The following CPQ variants were observed in gnomAD, a reference collection of about 807,000 sequenced individuals.
CPQ encodes Ser-Met dipeptidase.
In CPQ, 37 loss-of-function variants were observed where a neutral mutation model predicts 45.7. The observed-to-expected ratio is 0.81, with a 90% CI of 0.62 to 1.07. CPQ has a LOEUF of 1.07. CPQ is among the 50% of genes least tolerant of loss of function. The pLI is 0.00. For synonymous variants in CPQ, 186 were observed against 205.8 expected (o/e 0.90, Z 0.82); for missense variants, 537 against 572.9 (o/e 0.94, Z 0.64).
rs111569722 is a variant in CPQ, at chr8:96,809,682, T to A, written c.433+24352T>A. On this transcript the variant is annotated intron_variant, in intron 2 of 7. Coordinates refer to ENST00000220763, the MANE Select transcript of CPQ (RefSeq NM_016134.4). ...GTGGTGGTGGTTACATGATTCTATA[T>A]GTATTTGTCAAAATCTATGGAATTG... Among the ~76,000 whole-genome samples, 1,072 of 152,244 alleles carry A rather than the reference T, an allele frequency of 7.0e-3. 11 individuals carry two copies. The highest frequency in any genetic ancestry group is 0.019 in the African/African-American group (809 of 41,546).
At chr8:96,895,892 A>T (rs1404069900) in intron 4 of CPQ, among the ~76,000 whole-genome samples, 1 of 152,176 alleles carries the variant, frequency 6.6e-6, no homozygotes, top group African/African-American at 2.4e-5. Context: ...TTCCTTAGTT[A>T]TGCCTCATCT....
chr8:96,738,266 T>C (rs182482887), intron 1 of CPQ, among the ~76,000 whole-genome samples: 19 of 152,250 alleles, frequency 1.2e-4, no homozygotes, highest in Admixed American at 5.2e-4. Context: ...TCATTATTGA[T>C]TTGTTGCTGT....
intron 7 of CPQ, among the ~76,000 whole-genome samples, chr8:97,101,934 CT>C (rs1182004188): frequency 2.4e-4 from 36 of 149,580 alleles, no homozygotes; most frequent in African/African-American, 8.0e-4. Flanking sequence ...CTCTCTCTCT[CT>C]CTCTCTCCCT....
chr8:96,857,873 T>G (rs551841064), intron 3 of CPQ, among the ~76,000 whole-genome samples: 4 of 152,214 alleles, frequency 2.6e-5, no homozygotes, highest in Non-Finnish European at 5.9e-5. Context: ...AGCATCATGC[T>G]AAGCAGGCAG....
At chr8:97,109,639 A>G (rs1186297785) in intron 7 of CPQ, among the ~76,000 whole-genome samples, 1 of 151,752 alleles carries the variant, frequency 6.6e-6, no homozygotes, top group Non-Finnish European at 1.5e-5. Context: ...CATGCTACAC[A>G]CAAATGATTT....
chr8:96,834,303 T>G (rs1206090441), intron 2 of CPQ, among the ~76,000 whole-genome samples: 1 of 152,210 alleles, frequency 6.6e-6, no homozygotes, highest in African/African-American at 2.4e-5. Flanking sequence ...ATCTTCAAAG[T>G]TTTTATTTGA....
At chr8:96,993,737 G>A (rs573554028) in intron 5 of CPQ, among the ~76,000 whole-genome samples, 177 of 152,154 alleles carry the variant, frequency 1.2e-3, no homozygotes, top group Non-Finnish European at 1.7e-3. Flanking sequence ...ATATATTGGT[G>A]TAAAAAAATG....
At chr8:96,821,745 T>A (rs1001979513) in intron 2 of CPQ, among the ~76,000 whole-genome samples, 2 of 152,006 alleles carry the variant, frequency 1.3e-5, no homozygotes, top group Non-Finnish European at 2.9e-5. Flanking sequence ...CCTTTCTTTT[T>A]TCATTTTTCA....
At chr8:97,123,162 T>TAAAATAAATAAAAA (rs1811776500) in intron 7 of CPQ, among the ~76,000 whole-genome samples, 2 of 53,806 alleles carry the variant, frequency 3.7e-5, no homozygotes, top group Admixed American at 1.7e-4. Context: ...TAAAATAAAA[T>TAAAATAAATAAAAA]AAAATAAAAT....
At chr8:96,854,286 C>T (rs972598442) in intron 3 of CPQ, among the ~76,000 whole-genome samples, 23 of 151,750 alleles carry the variant, frequency 1.5e-4, no homozygotes, top group African/African-American at 4.8e-4. Flanking sequence ...AATCCCAGCA[C>T]TTTGGGAGGC....
At chr8:96,963,775 A>C (rs1813503567) in intron 4 of CPQ, among the ~76,000 whole-genome samples, 1 of 152,210 alleles carries the variant, frequency 6.6e-6, no homozygotes, top group African/African-American at 2.4e-5. Context: ...ACTGCTACCC[A>C]GATCAGAAAA....
At chr8:97,038,978 C>T (rs939454412) in intron 6 of CPQ, among the ~76,000 whole-genome samples, 1 of 152,150 alleles carries the variant, frequency 6.6e-6, no homozygotes, top group Non-Finnish European at 1.5e-5. Flanking sequence ...AGATTTGTAG[C>T]ACATAGTGGA....
chr8:97,039,982 C>G (rs1375500588), intron 6 of CPQ, among the ~76,000 whole-genome samples: 304 of 147,330 alleles, frequency 2.1e-3, no homozygotes, highest in African/African-American at 7.6e-3. Flanking sequence ...ATTTGTAGTC[C>G]TTTGGGTATA....
intron 5 of CPQ, among the ~76,000 whole-genome samples, chr8:96,987,749 C>A (rs1809016481): frequency 6.6e-6 from 1 of 152,160 alleles, no homozygotes; most frequent in Admixed American, 6.5e-5. Flanking sequence ...CATGTGAGTT[C>A]CATTCAGTTC....
intron 7 of CPQ, among the ~76,000 whole-genome samples, chr8:97,122,910 A>T (rs1329436439): frequency 1.1e-5 from 1 of 90,182 alleles, no homozygotes; most frequent in African/African-American, 7.3e-5. Context: ...AATAAAATAA[A>T]ATAAAATAAA....
intron 6 of CPQ, among the ~76,000 whole-genome samples, chr8:97,063,617 C>A (rs1810589025): frequency 6.6e-6 from 1 of 152,066 alleles, no homozygotes; most frequent in African/African-American, 2.4e-5. Context: ...ACATTTAAGT[C>A]TTTAATCAAT....
At chr8:97,043,415 A>G (rs1810169751) in intron 6 of CPQ, among the ~76,000 whole-genome samples, 1 of 152,020 alleles carries the variant, frequency 6.6e-6, no homozygotes, top group Non-Finnish European at 1.5e-5. Context: ...AATACAGCAC[A>G]CTGATGGGTC....
intron 6 of CPQ, among the ~76,000 whole-genome samples, chr8:97,032,849 A>G (rs1809933169): frequency 1.3e-5 from 2 of 152,222 alleles, no homozygotes; most frequent in Non-Finnish European, 2.9e-5. Context: ...AACCATATAT[A>G]ATGAAGTTTT....
intron 5 of CPQ, among the ~76,000 whole-genome samples, chr8:96,979,819 T>C (rs895442555): frequency 6.6e-6 from 1 of 152,206 alleles, no homozygotes. Flanking sequence ...GGAAGTTGAT[T>C]ATTATAAGAG....
Sources: allele counts gnomAD v4.1 joint callset (sites outside exome capture counted in the v4.1 genomes callset), GRCh38; gene constraint gnomAD v4.1.1; transcripts MANE v1.5; gene names NCBI Gene and HGNC (gene_info 2026-07-23, HGNC 2026-07-21).